Variants in RGS7 observed in about 807,000 individuals in gnomAD.
RGS7 encodes regulator of G-protein signaling 7.
In RGS7, 27 loss-of-function variants were observed where a neutral mutation model predicts 81.1. That is an observed-to-expected ratio of 0.33 (90% CI 0.25 to 0.46). RGS7 has a LOEUF of 0.46. Ranked by LOEUF, RGS7 falls within the 20% of genes least tolerant of loss-of-function variation. The pLI, the probability that RGS7 is intolerant of heterozygous loss-of-function variation, is 1.00. For missense variants in RGS7, 396 were observed against 607.4 expected, an observed-to-expected ratio of 0.65 and a Z score of 3.66; for synonymous variants, 208 against 207.7, an observed-to-expected ratio of 1.00 and a Z score of -0.01.
At position 241,156,631 on chromosome 1, in the gene RGS7, G is replaced by A. The variant is rs78343506; in HGVS notation, c.79-57869C>T. Reference sequence around the variant, plus strand: ...GGAGGGGAGGGGAAATCCCTTCACCGAAGACTTGTAGGTCAGGTCTCAAAG... The same window carrying A: ...GGAGGGGAGGGGAAATCCCTTCACCAAAGACTTGTAGGTCAGGTCTCAAAG... On this transcript the variant is annotated intron_variant, in intron 2 of 18. Transcript: ENST00000440928. 1.5e-3 allele frequency among the ~76,000 whole-genome samples: 231 copies of A among 151,946 alleles called. 1 individual carries two copies. The East Asian group carries it at 0.017, about 11-fold the overall frequency.
chr1:240,868,808 C>A lies in RGS7; in HGVS notation c.495G>T (p.Glu165Asp). The A allele has an allele frequency of 6.2e-7, 1 of 1,614,026 alleles. No individual in the cohort carries two copies. Among genetic ancestry groups the A allele is most frequent in the Non-Finnish European group, 8.5e-7 (1 of 1,180,016 alleles). Residue 165 changes from glutamate (E) to aspartate (D), a missense_variant, in exon 8 of 19, where the codon GAG (glutamate) becomes GAT (aspartate). Physicochemically the swap from Glu to Asp is conservative, Grantham distance 45 (BLOSUM62 2). Coordinates refer to ENST00000440928, the MANE Select transcript of RGS7 (RefSeq NM_001364886.1). This position sits in a 1 kb window ranked among gnomAD's most constrained non-coding sequence, Gnocchi z 5.1. Reference sequence around the variant, plus strand: ...GTGCTTCTGCTTGCATGAAAATGAACTCCCACTTCCGGGCAAATGCTCTCT... The same window carrying A: ...GTGCTTCTGCTTGCATGAAAATGAAATCCCACTTCCGGGCAAATGCTCTCT... ...RLQRAFARKW[E>D]FIFMQAEAQA...
At chr1:241,119,866 T>C (rs1050810754) in intron 2 of RGS7, among the ~76,000 whole-genome samples, 1 of 152,232 alleles carries the variant, frequency 6.6e-6, no homozygotes. Flanking sequence ...TATTCATGTC[T>C]GAAACAGCAG....
intron 4 of RGS7, among the ~76,000 whole-genome samples, chr1:240,965,521 G>A (rs1662273210): frequency 1.3e-5 from 2 of 152,196 alleles, no homozygotes; most frequent in African/African-American, 4.8e-5. Flanking sequence ...AAGTGCTCAC[G>A]TAAAGCAGAC....
chr1:241,212,963 A>C (rs1030207253), intron 2 of RGS7, among the ~76,000 whole-genome samples: 20 of 152,240 alleles, frequency 1.3e-4, no homozygotes, highest in Admixed American at 1.2e-3. Context: ...GATCCTTTAC[A>C]TCAATCTGAG....
intron 9 of RGS7, among the ~76,000 whole-genome samples, chr1:240,833,600 C>T (rs2147838106): frequency 6.6e-6 from 1 of 152,200 alleles, no homozygotes; most frequent in Non-Finnish European, 1.5e-5. Context: ...GGTCAAGGAG[C>T]ATCTGTATAT....
intron 2 of RGS7, among the ~76,000 whole-genome samples, chr1:241,213,720 T>C (rs1395603294): frequency 6.6e-6 from 1 of 152,236 alleles, no homozygotes; most frequent in Non-Finnish European, 1.5e-5. Flanking sequence ...CAATACTTTG[T>C]CATTAATGTA....
chr1:241,182,741 C>T lies in RGS7; in HGVS notation c.79-83979G>A, dbSNP rs1038868782. Among the ~76,000 whole-genome samples, 9 of 150,134 alleles carry T rather than the reference C, an allele frequency of 6.0e-5. 1 individual carries two copies. The South Asian group carries it at 8.5e-4, about 14-fold the overall frequency. Reference sequence around the variant, plus strand: ...TCGGCTCAGTGCAACCTCCGCCTTGCGGGTTCCAGTGATTCTCCTGCCTCA... The same window carrying T: ...TCGGCTCAGTGCAACCTCCGCCTTGTGGGTTCCAGTGATTCTCCTGCCTCA... On this transcript the variant is annotated intron_variant, in intron 2 of 18. Transcript: ENST00000440928.
chr1:240,857,841 G>C (rs1360796299), intron 9 of RGS7, among the ~76,000 whole-genome samples: 1 of 152,036 alleles, frequency 6.6e-6, no homozygotes, highest in Admixed American at 6.6e-5. Flanking sequence ...ATTGAATCAT[G>C]GGGGTGGTTA....
chr1:241,296,046 G>A (rs1162931570), intron 2 of RGS7, among the ~76,000 whole-genome samples: 2 of 152,208 alleles, frequency 1.3e-5, no homozygotes, highest in Admixed American at 6.5e-5. Context: ...AGTATCTTGA[G>A]AAGATTCTGA....
intron 2 of RGS7, among the ~76,000 whole-genome samples, chr1:241,277,605 C>T (rs923500940): frequency 2.1e-5 from 3 of 144,106 alleles, no homozygotes; most frequent in East Asian, 2.1e-4. Context: ...GGCGATAAAA[C>T]GAGACTCCAT....
chr1:241,037,740 G>T (rs1194945580), intron 3 of RGS7, among the ~76,000 whole-genome samples: 1 of 147,908 alleles, frequency 6.8e-6, no homozygotes, highest in African/African-American at 2.5e-5. Context: ...AAAAAAAGTG[G>T]ATACAGAAAA....
chr1:241,224,489 T>C (rs2075201719), intron 2 of RGS7, among the ~76,000 whole-genome samples: 1 of 152,086 alleles, frequency 6.6e-6, no homozygotes, highest in South Asian at 2.1e-4. Context: ...CTTTATCCAG[T>C]CTATTATTGA....
intron 3 of RGS7, among the ~76,000 whole-genome samples, chr1:241,089,201 C>G (rs1163116454): frequency 6.7e-6 from 1 of 148,828 alleles, no homozygotes; most frequent in African/African-American, 2.5e-5. Context: ...GTCTCCATGA[C>G]CAGAGTTGCC....
At chr1:241,126,969 T>C (rs1209275694) in intron 2 of RGS7, among the ~76,000 whole-genome samples, 1 of 152,152 alleles carries the variant, frequency 6.6e-6, no homozygotes, top group Non-Finnish European at 1.5e-5. Context: ...AAGTGCCCAC[T>C]ATGTGAAAGG....
chr1:241,087,425 T>G (rs1346509322), intron 3 of RGS7, among the ~76,000 whole-genome samples: 4 of 152,206 alleles, frequency 2.6e-5, no homozygotes, highest in Non-Finnish European at 5.9e-5. Flanking sequence ...AATGCAAATA[T>G]TCCTTCTAAA....
At chr1:240,935,336 A>G (rs2148370441) in intron 5 of RGS7, among the ~76,000 whole-genome samples, 1 of 152,352 alleles carries the variant, frequency 6.6e-6, no homozygotes, top group South Asian at 2.1e-4. Flanking sequence ...CTGATCACCA[A>G]TAATTCCTAG....
chr1:241,050,966 G>T (rs1387462649), intron 3 of RGS7, among the ~76,000 whole-genome samples: 1 of 152,144 alleles, frequency 6.6e-6, no homozygotes, highest in Non-Finnish European at 1.5e-5. Flanking sequence ...TTTATTTGCA[G>T]ATTTTTGATG....
Position 240,805,704 on chromosome 1 carries a change from G to A in RGS7, c.1269+436C>T, listed in dbSNP as rs568494895. Among the ~76,000 whole-genome samples the A allele has an allele frequency of 7.9e-5, 12 of 151,838 alleles. No homozygotes were observed. The East Asian group carries it at 2.1e-3, about 27-fold the overall frequency. ...ACATAACTTTAAGCTAATTCAGTTT[G>A]AATAATTTATAATAATGAATAATTC... On this transcript the variant is annotated intron_variant, in intron 15 of 18. Transcript: ENST00000440928.
rs79309476 is a variant in RGS7 at position 240,845,219 on chromosome 1, T to A, written c.610-18047A>T. Reference sequence around the variant, plus strand: ...GGATATTTATACCTGTTGCATTTACTTGACACAATCCATGCTGTGACTCCT... The same window carrying A: ...GGATATTTATACCTGTTGCATTTACATGACACAATCCATGCTGTGACTCCT... On this transcript the variant is annotated intron_variant, in intron 9 of 18. Coordinates refer to ENST00000440928, the MANE Select transcript of RGS7 (RefSeq NM_001364886.1). Among the ~76,000 whole-genome samples, 1,139 of 152,312 alleles carry A rather than the reference T, an allele frequency of 7.5e-3. 14 individuals carry two copies. Among genetic ancestry groups the A allele is most frequent in the African/African-American group, 0.025 (1,047 of 41,568 alleles).
Sources: allele counts gnomAD v4.1 joint callset (sites outside exome capture counted in the v4.1 genomes callset), GRCh38; gene constraint gnomAD v4.1.1; non-coding constraint Gnocchi (gnomAD v3.1); transcripts MANE v1.5; gene names NCBI Gene and HGNC (gene_info 2026-07-23, HGNC 2026-07-21).